Variants in CUX1 observed in about 807,000 individuals in gnomAD.
CUX1 encodes the protein cut like homeobox 1, also known as protein CASP.
A neutral mutation model predicts 158.8 loss-of-function variants in CUX1; 31 were observed. The ratio of observed to expected loss-of-function variants is 0.20; its 90% CI spans 0.15 to 0.26. The LOEUF (loss-of-function observed/expected upper bound fraction) is 0.26, where lower values mean the gene tolerates loss of function less well. CUX1 is among the 10% of genes least tolerant of loss of function. CUX1 has a pLI of 1.00. For missense variants in CUX1, 1,589 were observed against 2,014.6 expected, an observed-to-expected ratio of 0.79 and a Z score of 4.04; for synonymous variants, 879 against 862.1, an observed-to-expected ratio of 1.02 and a Z score of -0.34.
At chr7:102,118,844 T>C (rs1305998535) in intron 8 of CUX1, among the ~76,000 whole-genome samples, 7 of 152,074 alleles carry the variant, frequency 4.6e-5, no homozygotes, top group Non-Finnish European at 1.0e-4. Flanking sequence ...CTCCACCTCC[T>C]GGGTTCAAGC....
chr7:101,836,740 G>C (rs1794680321), intron 1 of CUX1, among the ~76,000 whole-genome samples: 1 of 151,834 alleles, frequency 6.6e-6, no homozygotes. Flanking sequence ...CGGCCAGTGG[G>C]CATTACACTT....
At chr7:102,164,863 T>C (rs1790834229) in intron 9 of CUX1, among the ~76,000 whole-genome samples, 1 of 151,748 alleles carries the variant, frequency 6.6e-6, no homozygotes, top group African/African-American at 2.4e-5. Context: ...TTAATGGCCA[T>C]GCAAGCAGAG....
chr7:101,845,711 G>A (rs546399141), intron 1 of CUX1, among the ~76,000 whole-genome samples: 48 of 152,304 alleles, frequency 3.2e-4, no homozygotes, highest in African/African-American at 1.2e-3. Context: ...TATCACCTGG[G>A]AGCTCGTTAG....
chr7:102,187,582 T>C (rs1456779866), intron 11 of CUX1, among the ~76,000 whole-genome samples: 2 of 152,084 alleles, frequency 1.3e-5, no homozygotes, highest in African/African-American at 4.8e-5. Context: ...TGCTCCTCCC[T>C]CTGTCTGCCT....
chr7:101,852,224 T>C (rs1796335982), intron 1 of CUX1, among the ~76,000 whole-genome samples: 1 of 152,200 alleles, frequency 6.6e-6, no homozygotes, highest in Admixed American at 6.5e-5. Flanking sequence ...GCATCTTATT[T>C]TAGATTTCCA....
At chr7:102,223,883 C>G (rs996410523) in intron 20 of CUX1, among the ~76,000 whole-genome samples, 1 of 152,070 alleles carries the variant, frequency 6.6e-6, no homozygotes, top group Non-Finnish European at 1.5e-5. Context: ...GCAGGAGAAT[C>G]GTTTGAACCC....
chr7:102,026,892 C>T (rs1246999315), intron 2 of CUX1, among the ~76,000 whole-genome samples: 1 of 149,266 alleles, frequency 6.7e-6, no homozygotes, highest in South Asian at 2.1e-4. Context: ...TTATCTTAGT[C>T]GAGTCTTTTC....
At chr7:102,175,224 A>G (rs1792176733) in intron 10 of CUX1, among the ~76,000 whole-genome samples, 1 of 152,126 alleles carries the variant, frequency 6.6e-6, no homozygotes, top group Non-Finnish European at 1.5e-5. Flanking sequence ...CAGCACTGAA[A>G]TCCACACCTT....
At position 102,257,845 on chromosome 7, in the gene CUX1, C is replaced by G. The variant is rs1048173921; in HGVS notation, c.*8803C>G. The G allele has an allele frequency of 5.1e-6, 5 of 984,040 alleles. No homozygotes were observed. The highest frequency in any genetic ancestry group is 6.0e-6 in the Non-Finnish European group (5 of 829,704). 61.0% of individuals were successfully genotyped at this position (984,040 alleles called of 1,614,324 possible). On this transcript the variant is annotated 3_prime_UTR_variant, in exon 24 of 24. Transcript: ENST00000292535. ...ACAATCACAGATTTTTTTCTCCAAT[C>G]CTCACAGAGACCCAATTGACCAAAA... is the stretch of plus-strand genomic sequence containing the variant.
At chr7:101,833,027 A>G (rs56058921) in intron 1 of CUX1, among the ~76,000 whole-genome samples, 2,580 of 152,156 alleles carry the variant, frequency 0.017, 71 homozygotes, top group African/African-American at 0.059. Context: ...GTTCCCTGAG[A>G]GCATTCTTCT....
chr7:102,170,504 A>C lies in CUX1; in HGVS notation c.782A>C (p.Asn261Thr), dbSNP rs139855321. 2.5e-6 allele frequency: 4 copies of C among 1,592,886 alleles called. No individual in the cohort carries two copies. Among genetic ancestry groups the C allele is most frequent in the Non-Finnish European group, 3.4e-6 (4 of 1,169,318 alleles). Residue 261 changes from asparagine (N) to threonine (T), a missense_variant, in exon 10 of 24, where the codon AAT becomes ACT. Around this residue, in one of 8 missense-constraint regions of CUX1, gnomAD observed 515 missense variants for 574.4 expected, o/e 0.90. Coordinates refer to ENST00000292535, the MANE Select transcript of CUX1 (RefSeq NM_181552.4). ...TTAAGGGAACAGCTCTCATCGGCCA[A>C]TCACTCCCTCCAGCTGGCCTCACAG... Reference protein sequence around the residue: ...ETLREQLSSANHSLQLASQIQ... With the variant: ...ETLREQLSSATHSLQLASQIQ...
In CUX1 at chr7:102,222,317, C is replaced by T. The variant is rs531458752; in HGVS notation, c.3131-5050C>T. On this transcript the variant is annotated intron_variant, in intron 20 of 23. Transcript: ENST00000292535. ...TGAGAGTGAAATGACGCAGGAATGA[C>T]GGTAGGCTGCAATTCAGAATCACGT... is the stretch of plus-strand genomic sequence containing the variant. Among the ~76,000 whole-genome samples, 7 of 152,218 alleles carry T rather than the reference C, an allele frequency of 4.6e-5. No individual in the cohort carries two copies. In the East Asian group the frequency reaches 1.4e-3, roughly 29 times the overall value.
chr7:102,081,713 A>G (rs1245146545), intron 4 of CUX1, among the ~76,000 whole-genome samples: 4 of 144,854 alleles, frequency 2.8e-5, no homozygotes, highest in African/African-American at 7.4e-5. Flanking sequence ...GCTCGCTGCA[A>G]CCTCCTCCTC....
At chr7:101,912,414 C>T (rs1300564598) in intron 1 of CUX1, among the ~76,000 whole-genome samples, 2 of 152,088 alleles carry the variant, frequency 1.3e-5, no homozygotes, top group African/African-American at 2.4e-5. Context: ...ACACACAGAC[C>T]GTAACGCAGA....
intron 2 of CUX1, among the ~76,000 whole-genome samples, chr7:102,015,875 C>T (rs1563133296): frequency 3.3e-5 from 5 of 152,100 alleles, no homozygotes; most frequent in African/African-American, 7.2e-5. Flanking sequence ...AGTGTGGTGG[C>T]GCGATCACGA....
intron 2 of CUX1, among the ~76,000 whole-genome samples, chr7:101,949,294 G>A (rs1388862697): frequency 1.3e-5 from 2 of 151,808 alleles, no homozygotes; most frequent in African/African-American, 2.4e-5. Flanking sequence ...ACCACGCCTG[G>A]CTAATTTTTT....
At chr7:102,164,166 G>GA (rs1554508002) in intron 9 of CUX1, among the ~76,000 whole-genome samples, 2 of 152,250 alleles carry the variant, frequency 1.3e-5, no homozygotes, top group African/African-American at 2.4e-5. Flanking sequence ...TTTTTGTGGT[G>GA]AAAAAAAGTG....
chr7:102,198,765 T>C (rs782097717), intron 15 of CUX1, 37 bp from the exon 16 acceptor site: 1 of 1,584,362 alleles, frequency 6.3e-7, no homozygotes, highest in Non-Finnish European at 8.7e-7. Context: ...ACCATTCCCC[T>C]GATTGTTTTG....
intron 4 of CUX1, among the ~76,000 whole-genome samples, chr7:102,084,857 G>GCTTTTTTTTTTTTTTTTTTTTTTTTTTTT (rs1827799596): frequency 1.4e-5 from 1 of 71,686 alleles, no homozygotes; most frequent in Non-Finnish European, 2.8e-5. Context: ...TATTTTCCTT[G>GCTTTTTTTTTTTTTTTTTTTTTTTTTTTT]CTTTTTTTTT....
Sources: gnomAD v4.1 joint callset for allele counts (sites outside exome capture counted in the v4.1 genomes callset) on GRCh38, gnomAD v4.1.1 for gene constraint, gnomAD v4.1.1 regional missense constraint, MANE v1.5 for transcripts, NCBI Gene and HGNC (gene_info 2026-07-23, HGNC 2026-07-21) for gene names.